ZNF7: variants seen among roughly 807,000 people sequenced by gnomAD.
ZNF7 encodes C2-H2 type zinc finger protein.
Under a neutral mutation model 12.0 loss-of-function variants are expected in ZNF7, and 10 were observed. The observed-to-expected ratio is 0.83, with a 90% confidence interval of 0.51 to 1.42. The LOEUF is 1.42. Ranked by LOEUF, ZNF7 falls within the 40% of genes most tolerant of loss-of-function variation. ZNF7 has a pLI of 0.00. For missense variants in ZNF7, 854 were observed against 837.2 expected (o/e 1.02, Z -0.25); for synonymous variants, 334 against 295.0 (o/e 1.13, Z -1.35).
intron 4 of ZNF7, 57 bp from the exon 5 acceptor site, chr8:144,841,298 C>T: frequency 6.6e-7 from 1 of 1,520,356 alleles, no homozygotes; most frequent in South Asian, 1.3e-5. Context: ...CATTTGTAGT[C>T]TTATCATTTC....
intron 4 of ZNF7, among the ~76,000 whole-genome samples, chr8:144,840,617 C>T (rs1417312124): frequency 6.6e-6 from 1 of 152,176 alleles, no homozygotes; most frequent in Non-Finnish European, 1.5e-5. Context: ...GGACAGAAGC[C>T]TGTGCTTACT....
Position 144,842,950 on chromosome 8 carries a change from G to T in ZNF7, c.1843G>T (p.Ala615Ser). ...CCAGTGGTTTTACGAATATGGGAAT[G>T]CCCTGGAAGGGTCCACCTTTGTGAG... ...RAQWFYEYGNALEGSTFVSRK... is the reference protein window; with the variant it reads ...RAQWFYEYGNSLEGSTFVSRK... Residue 615 changes from alanine (A) to serine (S), a missense_variant, in exon 5 of 5, where the codon GCC (alanine) becomes TCC (serine). Coordinates refer to ENST00000532777, the MANE Select transcript of ZNF7 (RefSeq NM_003416.4). 6.2e-7 allele frequency: 1 copy of T among 1,614,188 alleles called. No homozygotes were observed. The highest frequency in any genetic ancestry group is 8.5e-7 in the Non-Finnish European group (1 of 1,180,020).
chr8:144,842,035 G>C lies in ZNF7; in HGVS notation c.928G>C (p.Glu310Gln). 1 of 1,614,126 alleles carries C rather than the reference G, an allele frequency of 6.2e-7. No individual in the cohort carries two copies. The highest frequency in any genetic ancestry group is 8.5e-7 in the Non-Finnish European group (1 of 1,180,016). ...TGGGGAGAAGCCCTACAGATGTGAG[G>C]AATGTGGAAAAGCTTTTGGTCAGAG... ...HTGEKPYRCE[E>Q]CGKAFGQSSS... The change falls in exon 5 of 5, where the codon GAA becomes CAA. Residue 310 changes from glutamate to glutamine, a missense_variant. By Grantham distance (29) the Glu-to-Gln change is conservative. Coordinates refer to ENST00000532777, the MANE Select transcript of ZNF7 (RefSeq NM_003416.4).
chr8:144,842,302 A>C lies in ZNF7; in HGVS notation c.1195A>C (p.Ser399Arg). The C allele has an allele frequency of 1.9e-6, 3 of 1,614,034 alleles. No individual in the cohort carries two copies. The highest frequency in any genetic ancestry group is 2.5e-6 in the Non-Finnish European group (3 of 1,180,046). The change falls in exon 5 of 5, where the codon AGC becomes CGC. Residue 399 changes from serine to arginine, a missense_variant. Ser to Arg is a moderately radical substitution (Grantham distance 110). Coordinates refer to ENST00000532777, the MANE Select transcript of ZNF7 (RefSeq NM_003416.4). ...AATTCTAAAAGCCTCAGACAGTCCA[A>C]GCCTTGTTGCACATCAGAGAATTCA... ...AQILKASDSP[S>R]LVAHQRIHAV...
rs1160790146 is a variant in ZNF7 at position 144,831,776 on chromosome 8, C to G, written c.130+2172C>G. Among the ~76,000 whole-genome samples, 31 of 76,426 alleles carry G rather than the reference C, an allele frequency of 4.1e-4. 7 individuals are homozygous for G. The highest frequency in any genetic ancestry group is 1.3e-3 in the African/African-American group (25 of 19,802). 50.1% of individuals were successfully genotyped at this position (76,426 alleles called of 152,430 possible). ...CCGGCCTGGGCAACAGAGCGAGACT[C>G]CATCTAAAAAAAAAAAAAAAAAAGA... is the stretch of plus-strand genomic sequence containing the variant. On this transcript the variant is annotated intron_variant, in intron 3 of 4. Coordinates refer to ENST00000532777, the MANE Select transcript of ZNF7 (RefSeq NM_003416.4).
intron 4 of ZNF7, chr8:144,837,978 T>C (rs935208393): frequency 2.9e-6 from 2 of 679,704 alleles, no homozygotes; most frequent in African/African-American, 1.8e-5. Flanking sequence ...ACTAGGAAGC[T>C]TAAAACAACA....
chr8:144,846,158 T>G, downstream of ZNF7: 5 of 1,536,164 alleles, frequency 3.3e-6, no homozygotes, highest in Non-Finnish European at 4.4e-6. Context: ...GAGGGGAACG[T>G]CAGCCATATG....
At chr8:144,835,668 T>A (rs1014665863) in intron 3 of ZNF7, 10 of 152,202 alleles carry the variant, frequency 6.6e-5, no homozygotes, top group Admixed American at 1.3e-4. Flanking sequence ...GGTTGGAGGA[T>A]GTTTTTATTT....
At chr8:144,828,449 TC>T (rs1189847657) in intron 1 of ZNF7, among the ~76,000 whole-genome samples, 1 of 144,068 alleles carries the variant, frequency 6.9e-6, no homozygotes, top group Non-Finnish European at 1.6e-5. Flanking sequence ...CTCACTGCCT[TC>T]CCCAACCTCC....
At chr8:144,845,154 G>C (rs1335147875), downstream of ZNF7, among the ~76,000 whole-genome samples, 1 of 152,214 alleles carries the variant, frequency 6.6e-6, no homozygotes, top group Non-Finnish European at 1.5e-5. Context: ...GCCAAGAACT[G>C]AGGGTCTGAG....
intron 1 of ZNF7, chr8:144,828,780 C>T (rs1828097041): frequency 3.8e-6 from 2 of 527,614 alleles, no homozygotes; most frequent in African/African-American, 1.9e-5. Context: ...CCCCATTACT[C>T]AGTGCCTGGC....
chr8:144,842,254 A>T lies in ZNF7; in HGVS notation c.1147A>T (p.Met383Leu), dbSNP rs1830031062. Residue 383 changes from methionine to leucine, a missense_variant, in exon 5 of 5, where the codon ATG becomes TTG. Met to Leu is a conservative substitution (Grantham distance 15). Transcript: ENST00000532777. Reference sequence around the variant, plus strand: ...CTCCACCCTAGCCCAGCATCAAAGGATGCATACTGGGGAGAAAGCTCAAAT... The same window carrying T: ...CTCCACCCTAGCCCAGCATCAAAGGTTGCATACTGGGGAGAAAGCTCAAAT... ...QSSTLAQHQR[M>L]HTGEKAQILK... The T allele has an allele frequency of 1.2e-6, 2 of 1,614,184 alleles. No individual in the cohort carries two copies. Among genetic ancestry groups the T allele is most frequent in the South Asian group, 2.2e-5 (2 of 91,088 alleles).
Position 144,842,736 on chromosome 8 carries a change from T to G in ZNF7, c.1629T>G (p.His543Gln). 1 of 1,614,034 alleles carries G rather than the reference T, an allele frequency of 6.2e-7. No individual in the cohort carries two copies. Among genetic ancestry groups the G allele is most frequent in the Non-Finnish European group, 8.5e-7 (1 of 1,180,000 alleles). The change falls in exon 5 of 5, where the codon CAT becomes CAG. Residue 543 changes from histidine to glutamine, a missense_variant. Coordinates refer to ENST00000532777, the MANE Select transcript of ZNF7 (RefSeq NM_003416.4). ...GTATGAGCACACAGCTTACAATACA[T>G]CAAAGGGTTCACACTGGAGAGAGGC... ...AFSMSTQLTI[H>Q]QRVHTGERPY... is the part of the protein sequence containing the mutation.
intron 3 of ZNF7, among the ~76,000 whole-genome samples, chr8:144,833,156 C>T (rs1417994563): frequency 6.7e-6 from 1 of 149,886 alleles, no homozygotes; most frequent in East Asian, 2.0e-4. Context: ...TGAGATCGTG[C>T]CACTGCACTT....
At chr8:144,832,939 T>TA (rs1480585927) in intron 3 of ZNF7, among the ~76,000 whole-genome samples, 2 of 152,112 alleles carry the variant, frequency 1.3e-5, no homozygotes, top group Non-Finnish European at 2.9e-5. Flanking sequence ...CTCACACCTG[T>TA]AATCCCAGCA....
downstream of ZNF7, among the ~76,000 whole-genome samples, chr8:144,844,709 C>CAAAAAAAAAAAAAAAAAAA (rs71320849): frequency 1.1e-5 from 1 of 88,618 alleles, no homozygotes; most frequent in African/African-American, 4.2e-5. Flanking sequence ...GACTCTGTAT[C>CAAAAAAAAAAAAAAAAAAA]AAAAAAAAAA....
rs7843575 is a variant in ZNF7, at chr8:144,843,520, G to A, written c.*352G>A. 358 of 167,046 alleles carry A rather than the reference G, an allele frequency of 2.1e-3. 2 individuals carry two copies. The highest frequency in any genetic ancestry group is 5.4e-3 in the East Asian group (34 of 6,272). 10.3% of individuals were successfully genotyped at this position (167,046 alleles called of 1,614,324 possible). ...GGAGAATGGCATCAGCCCAGGAGGCGGAGCTTGCAGTGAGCTGAGATCGCG... is the reference window on the plus strand; with the variant it reads ...GGAGAATGGCATCAGCCCAGGAGGCAGAGCTTGCAGTGAGCTGAGATCGCG... On this transcript the variant is annotated 3_prime_UTR_variant, in exon 5 of 5. Coordinates refer to ENST00000532777, the MANE Select transcript of ZNF7 (RefSeq NM_003416.4).
chr8:144,846,283 T>A (rs115622592), downstream of ZNF7: 1 of 1,173,682 alleles, frequency 8.5e-7, no homozygotes, highest in African/African-American at 1.5e-5. Context: ...AGCACCTGGA[T>A]TCTCTCTGGA....
rs1473117299 is a variant in ZNF7, at chr8:144,843,138, T to TACC, written c.2032_2034dup (p.Thr678dup). On this transcript the variant is annotated inframe_insertion, in exon 5 of 5. Coordinates refer to ENST00000532777, the MANE Select transcript of ZNF7 (RefSeq NM_003416.4). ...AAGCTTTTAATCGTAGCTCAAGGCTTACCCAGCATCAAAAAATTCACATGG... is the reference window on the plus strand; with the variant it reads ...AAGCTTTTAATCGTAGCTCAAGGCTTACCACCCAGCATCAAAAAATTCACATGG... 10 of 1,596,012 alleles carry TACC rather than the reference T, an allele frequency of 6.3e-6. No individual in the cohort carries two copies. Among genetic ancestry groups the TACC allele is most frequent in the Non-Finnish European group, 8.5e-6 (10 of 1,173,036 alleles).
Sources: allele counts gnomAD v4.1 joint callset (sites outside exome capture counted in the v4.1 genomes callset), GRCh38; gene constraint gnomAD v4.1.1; transcripts MANE v1.5; gene names NCBI Gene and HGNC (gene_info 2026-07-23, HGNC 2026-07-21).